The following SCN9A variants were observed in gnomAD, a reference collection of about 807,000 sequenced individuals.
SCN9A encodes the protein sodium channel protein type 9 subunit alpha.
Under a neutral mutation model 187.0 loss-of-function variants are expected in SCN9A, and 131 were observed. That is an observed-to-expected ratio of 0.70 (90% CI 0.61 to 0.81). The LOEUF is 0.81. Among genes scored for constraint, SCN9A ranks in the 30% least tolerant of loss-of-function variants. The pLI is 0.00. For missense variants in SCN9A, 2,252 were observed against 2,396.6 expected, an observed-to-expected ratio of 0.94 and a Z score of 1.26; for synonymous variants, 809 against 808.6, an observed-to-expected ratio of 1.00 and a Z score of -0.01.
chr2:166,332,421 G>A (rs1699527198), intron 1 of SCN9A, among the ~76,000 whole-genome samples: 1 of 152,088 alleles, frequency 6.6e-6, no homozygotes, highest in African/African-American at 2.4e-5. Context: ...CTTAATATGA[G>A]AAATTACTTT....
chr2:166,293,895 T>C (rs1374190489), intron 8 of SCN9A, among the ~76,000 whole-genome samples: 1 of 152,164 alleles, frequency 6.6e-6, no homozygotes, highest in African/African-American at 2.4e-5. Context: ...CTTTCTAAAA[T>C]TGGTGGACTG....
In SCN9A at chr2:166,358,230, C is replaced by T. The variant is rs1400145891; in HGVS notation, c.-51+17467G>A. Among the ~76,000 whole-genome samples, 11 of 151,770 alleles carry T rather than the reference C, an allele frequency of 7.2e-5. No homozygotes were observed. In the South Asian group the frequency reaches 1.7e-3, roughly 23 times the overall value. ...GATTAGAGGTACCCACCACCACACC[C>T]GGCTAATTTTTGTACCTTTAGTAGA... On this transcript the variant is annotated intron_variant, in intron 1 of 26. Transcript: ENST00000642356.
intron 4 of SCN9A, among the ~76,000 whole-genome samples, chr2:166,306,272 T>C (rs1303223893): frequency 2.0e-5 from 3 of 152,136 alleles, no homozygotes; most frequent in Admixed American, 2.0e-4. Context: ...GTAACATGTC[T>C]AAGAACAGGA....
intron 17 of SCN9A, among the ~76,000 whole-genome samples, chr2:166,271,386 C>T (rs1010525918): frequency 1.3e-5 from 2 of 152,066 alleles, no homozygotes; most frequent in South Asian, 2.1e-4. Flanking sequence ...AAGGGTGATG[C>T]CTTGAAGGAT....
chr2:166,204,236 A>T lies in SCN9A; in HGVS notation c.4504-11T>A, dbSNP rs1423386190. 1.2e-6 allele frequency: 2 copies of T among 1,605,564 alleles called. No individual in the cohort carries two copies. The highest frequency in any genetic ancestry group is 1.7e-6 in the Non-Finnish European group (2 of 1,175,834). ...TCCTTGGATTTTGTTCTGCAAAGAA[A>T]TAAGAATAATATCGAATGCAGAGTA... On this transcript the variant is annotated splice_polypyrimidine_tract_variant and intron_variant, in intron 25 of 26. Transcript: ENST00000642356.
chr2:166,281,530 C>T, intron 13 of SCN9A, 149 bp downstream of exon 13: 1 of 565,396 alleles, frequency 1.8e-6, no homozygotes, highest in South Asian at 3.8e-5. Flanking sequence ...ACAATTCCAT[C>T]AGTATCCATT....
intron 1 of SCN9A, among the ~76,000 whole-genome samples, chr2:166,369,564 G>T (rs2105328061): frequency 6.6e-6 from 1 of 152,168 alleles, no homozygotes; most frequent in South Asian, 2.1e-4. Flanking sequence ...GGGGTAACAA[G>T]AATACATATT....
intron 26 of SCN9A, 25 bp from the exon 27 acceptor site, chr2:166,199,889 A>T: frequency 1.9e-6 from 3 of 1,592,602 alleles, no homozygotes; most frequent in Non-Finnish European, 2.6e-6. Context: ...AAATAATAGA[A>T]ATAAAATATT....
rs201905108 is a variant in SCN9A, at chr2:166,303,308, A to G, written c.689-6T>C. 1.4e-5 allele frequency: 23 copies of G among 1,608,952 alleles called. No homozygotes were observed. The African/African-American group carries it at 2.8e-4, about 20-fold the overall frequency. ...CCCTACAATTGTCTTCAGGCCTGAAAATGGGAGAAAAAAGTGTTTGTAATG... is the reference window on the plus strand; with the variant it reads ...CCCTACAATTGTCTTCAGGCCTGAAGATGGGAGAAAAAAGTGTTTGTAATG... On this transcript the variant is annotated splice_polypyrimidine_tract_variant and splice_region_variant and intron_variant, in intron 6 of 26. Transcript: ENST00000642356.
intron 16 of SCN9A, among the ~76,000 whole-genome samples, chr2:166,274,257 C>G (rs1248713450): frequency 6.6e-6 from 1 of 152,048 alleles, no homozygotes; most frequent in Non-Finnish European, 1.5e-5. Context: ...ATTTCTATAA[C>G]CTAGTGGGTA....
At chr2:166,313,532 T>A (rs1364172146) in intron 1 of SCN9A, among the ~76,000 whole-genome samples, 1 of 152,188 alleles carries the variant, frequency 6.6e-6, no homozygotes, top group Non-Finnish European at 1.5e-5. Flanking sequence ...TCAAACCTTT[T>A]TTTTCCAGCT....
intron 22 of SCN9A, 64 bp from the exon 23 acceptor site, chr2:166,227,787 A>ACAAAACTCT: frequency 1.2e-6 from 1 of 843,440 alleles, no homozygotes; most frequent in Non-Finnish European, 2.0e-6. Flanking sequence ...CCATAAACAG[A>ACAAAACTCT]GTTTTGTCTG....
At chr2:166,211,440 G>A (rs1394679214) in intron 24 of SCN9A, among the ~76,000 whole-genome samples, 1 of 152,014 alleles carries the variant, frequency 6.6e-6, no homozygotes, top group Non-Finnish European at 1.5e-5. Context: ...AGCAACACAA[G>A]AGCATATGAA....
chr2:166,289,481 G>A (rs1697943950), intron 9 of SCN9A, among the ~76,000 whole-genome samples: 1 of 152,056 alleles, frequency 6.6e-6, no homozygotes, highest in Admixed American at 6.6e-5. Context: ...ATGGTTTCTA[G>A]CTTCATCCAT....
rs575059788 is a variant in SCN9A at position 166,207,883 on chromosome 2, A to G, written c.4399-3419T>C. Among the ~76,000 whole-genome samples the G allele has an allele frequency of 2.6e-5, 4 of 152,350 alleles. No homozygotes were observed. The South Asian group carries it at 6.2e-4, about 24-fold the overall frequency. On this transcript the variant is annotated intron_variant, in intron 24 of 26. Coordinates refer to ENST00000642356, the MANE Select transcript of SCN9A (RefSeq NM_001365536.1). ...GAGAAACCCAGATCCTTTACTGTTC[A>G]TTAATGGGGACTGAAAATTACAGCA...
intron 24 of SCN9A, among the ~76,000 whole-genome samples, chr2:166,214,716 G>T (rs572219471): frequency 8.6e-5 from 13 of 150,584 alleles, no homozygotes; most frequent in Non-Finnish European, 1.0e-4. Context: ...GGGTTTCACC[G>T]TGTTAGCCAG....
At chr2:166,207,887 A>G (rs543478144) in intron 24 of SCN9A, among the ~76,000 whole-genome samples, 2 of 152,322 alleles carry the variant, frequency 1.3e-5, no homozygotes, top group South Asian at 4.1e-4. Context: ...CTGTTCATTA[A>G]TGGGGACTGA....
At chr2:166,227,753 T>C in intron 22 of SCN9A, 30 bp from the exon 23 acceptor site, 1 of 1,129,860 alleles carries the variant, frequency 8.9e-7, no homozygotes. Context: ...AGAATTTGAA[T>C]GTTAAGCTCA....
chr2:166,338,034 A>G (rs769194199), intron 1 of SCN9A, among the ~76,000 whole-genome samples: 10 of 152,170 alleles, frequency 6.6e-5, no homozygotes, highest in Non-Finnish European at 1.5e-4. Context: ...CACTCTTCCC[A>G]GGATACAAGA....
Sources: allele counts gnomAD v4.1 joint callset (sites outside exome capture counted in the v4.1 genomes callset), GRCh38; gene constraint gnomAD v4.1.1; transcripts MANE v1.5; gene names NCBI Gene and HGNC (gene_info 2026-07-23, HGNC 2026-07-21).